ZNF425: variants seen among roughly 807,000 people sequenced by gnomAD.
ZNF425 encodes the protein zinc finger protein 425.
Under a neutral mutation model 17.0 loss-of-function variants are expected in ZNF425, and 21 were observed. That is an observed-to-expected ratio of 1.23 (90% CI 0.88 to 1.78). The LOEUF is 1.78. Among genes scored for constraint, ZNF425 ranks in the 40% most tolerant of loss-of-function variants. The pLI, the probability that ZNF425 is intolerant of heterozygous loss-of-function variation, is 0.00. For missense variants in ZNF425, 868 were observed against 967.3 expected (o/e 0.90, Z 1.36); for synonymous variants, 433 against 384.1 (o/e 1.13, Z -1.49).
chr7:149,118,199 G>T, intron 2 of ZNF425, 23 bp downstream of exon 2: 2 of 1,613,802 alleles, frequency 1.2e-6, no homozygotes, highest in South Asian at 1.1e-5. Context: ...CCTAAAAAGT[G>T]ATTCCTTAGA....
At chr7:149,110,567 CAA>C (rs776168505) in intron 3 of ZNF425, among the ~76,000 whole-genome samples, 23 of 80,790 alleles carry the variant, frequency 2.8e-4, no homozygotes, top group Non-Finnish European at 2.9e-4. Flanking sequence ...CTCCATCTCA[CAA>C]AAAAAAAAAA....
chr7:149,126,057 C>A (rs1480574114), intron 1 of ZNF425, 139 bp downstream of exon 1: 7 of 1,508,680 alleles, frequency 4.6e-6, no homozygotes, highest in Admixed American at 1.9e-5. Context: ...CCAGCCCAGC[C>A]CGGAGCTCAG....
In ZNF425 at chr7:149,103,392, A is replaced by AT. The variant is rs1233586230; in HGVS notation, c.*219dup. The AT allele has an allele frequency of 1.8e-6, 1 of 553,536 alleles. No individual in the cohort carries two copies. The highest frequency in any genetic ancestry group is 3.2e-5 in the East Asian group (1 of 31,540). 34.3% of individuals were successfully genotyped at this position (553,536 alleles called of 1,614,324 possible). A position where few individuals can be genotyped will look rare whatever the true frequency, so the allele number is the denominator to read the frequency against. On this transcript the variant is annotated 3_prime_UTR_variant, in exon 4 of 4. Coordinates refer to ENST00000378061, the MANE Select transcript of ZNF425 (RefSeq NM_001001661.3). The stretch of plus-strand genomic sequence containing the variant: ...ACCACAACGCCTGGCTGACTTTTAT[A>AT]TTTTTTGTAGAGATGGAGTCTTGCA...
rs62505063 is a variant in ZNF425 at position 149,116,490 on chromosome 7, C to T, written c.145+1732G>A. ...CTAAAGCCTATCTGGAGACCATCTT[C>T]TTCTGTCTTAATTACTACCTACCTG... On this transcript the variant is annotated intron_variant, in intron 2 of 3. Transcript: ENST00000378061. 1.6e-4 allele frequency among the ~76,000 whole-genome samples: 24 copies of T among 152,250 alleles called. 1 individual carries two copies. In the South Asian group the frequency reaches 5.0e-3, roughly 32 times the overall value.
rs560702675 is a variant in ZNF425, at chr7:149,115,644, C to T, written c.145+2578G>A. Among the ~76,000 whole-genome samples, 6 of 149,502 alleles carry T rather than the reference C, an allele frequency of 4.0e-5. No individual in the cohort carries two copies. The East Asian group carries it at 7.9e-4, about 20-fold the overall frequency. ...GACAGAGGTTGTAGTGAGCCGAGAT[C>T]GTGCCATTGCACTCCAGCCTGGGTG... On this transcript the variant is annotated intron_variant, in intron 2 of 3. Transcript: ENST00000378061.
Position 149,112,230 on chromosome 7 carries a change from C to G in ZNF425, c.211G>C (p.Glu71Gln). ...MEQGRMLLIS[E>Q]QGCLDKTRRT... ...CTTGTTTTATCTAAGCATCCCTGTT[C>G]GCTGATTAATAGCATTCTCCCTTGT... Residue 71 changes from glutamate to glutamine, a missense_variant, in exon 3 of 4, where the codon GAA (glutamate) becomes CAA (glutamine). Glu to Gln is a conservative substitution (Grantham distance 29, BLOSUM62 2). Transcript: ENST00000378061. The G allele has an allele frequency of 6.2e-7, 1 of 1,614,122 alleles. No individual in the cohort carries two copies. Among genetic ancestry groups the G allele is most frequent in the Non-Finnish European group, 8.5e-7 (1 of 1,179,972 alleles).
rs928558827 is a variant in ZNF425 at position 149,126,302 on chromosome 7, C to A, written c.-89G>T. 1.5e-5 allele frequency: 23 copies of A among 1,522,788 alleles called. 1 individual carries two copies. In the South Asian group the frequency reaches 2.8e-4, roughly 19 times the overall value. 94.3% of individuals were successfully genotyped at this position (1,522,788 alleles called of 1,614,324 possible). On this transcript the variant is annotated 5_prime_UTR_variant, in exon 1 of 4. Transcript: ENST00000378061. ...TCCCAGGTACAGCCCTGCTGGCCCCCAAAGGCAGAGCCGGCCGGGCGCGGT... is the reference window on the plus strand; with the variant it reads ...TCCCAGGTACAGCCCTGCTGGCCCCAAAAGGCAGAGCCGGCCGGGCGCGGT...
chr7:149,125,351 AT>A (rs1826443722), intron 1 of ZNF425, among the ~76,000 whole-genome samples: 1 of 152,164 alleles, frequency 6.6e-6, no homozygotes, highest in African/African-American at 2.4e-5. Context: ...CGGTGCTCAA[AT>A]TTTCAATACT....
intron 3 of ZNF425, among the ~76,000 whole-genome samples, chr7:149,110,119 G>A (rs1826150237): frequency 6.6e-6 from 1 of 150,636 alleles, no homozygotes; most frequent in South Asian, 2.1e-4. Flanking sequence ...CATGTGATCC[G>A]ACCTCCTCAG....
Position 149,112,165 on chromosome 7 carries a change from C to T in ZNF425, c.276G>A (p.Met92Ile). ...TSPPTDEQLN[M>I]KNTGKLLCFD... The stretch of plus-strand genomic sequence containing the variant: ...AACATAGCAACTTTCCAGTATTCTT[C>T]ATGTTCAACTGTTCATCAGTAGGAG... The change falls in exon 3 of 4, where the codon ATG becomes ATA. Residue 92 changes from methionine to isoleucine, a missense_variant. Met to Ile is a conservative substitution (Grantham distance 10, BLOSUM62 1). Around this residue, in one of 5 missense-constraint regions of ZNF425, gnomAD observed 179 missense variants for 216.3 expected, o/e 0.83. Transcript: ENST00000378061. 1.2e-6 allele frequency: 2 copies of T among 1,613,962 alleles called. No homozygotes were observed. Among genetic ancestry groups the T allele is most frequent in the South Asian group, 2.2e-5 (2 of 91,052 alleles).
chr7:149,108,227 G>A (rs1383404629), intron 3 of ZNF425, among the ~76,000 whole-genome samples: 1 of 152,036 alleles, frequency 6.6e-6, no homozygotes, highest in Non-Finnish European at 1.5e-5. Context: ...TGTATTTTTA[G>A]TAGAGACAGA....
At position 149,103,923 on chromosome 7, in the gene ZNF425, G is replaced by A; in HGVS notation, c.1948C>T (p.Gln650Ter). ...CVMCGKSFTQQYRLTEHIRVH... is the reference protein window; with the variant it reads ...CVMCGKSFTQ ...CGAATGTGTTCTGTGAGCCGGTACTGTTGAGTGAAACTTTTGCCGCACATC... is the reference window on the plus strand; with the variant it reads ...CGAATGTGTTCTGTGAGCCGGTACTATTGAGTGAAACTTTTGCCGCACATC... Residue 650 changes from glutamine to a stop codon, truncating the protein, a stop_gained, in exon 4 of 4, where the codon CAG becomes TAG. Transcript: ENST00000378061. LOFTEE classifies it low-confidence loss of function (END_TRUNC). The A allele has an allele frequency of 6.2e-7, 1 of 1,614,090 alleles. No homozygotes were observed.
chr7:149,114,931 C>CTTTTTTTTTT (rs35954198), intron 2 of ZNF425, among the ~76,000 whole-genome samples: 47 of 101,020 alleles, frequency 4.7e-4, no homozygotes, highest in South Asian at 9.1e-4. Context: ...TCTTTCTTTT[C>CTTTTTTTTTT]TTTTTTTTTT....
chr7:149,111,376 G>A (rs755643749), intron 3 of ZNF425, among the ~76,000 whole-genome samples: 1 of 151,510 alleles, frequency 6.6e-6, no homozygotes. Context: ...TGGATCACAA[G>A]GTCAGGAGTT....
intron 3 of ZNF425, among the ~76,000 whole-genome samples, chr7:149,105,957 CTT>C (rs35777509): frequency 2.5e-5 from 3 of 119,374 alleles, no homozygotes; most frequent in African/African-American, 3.4e-5. Context: ...AATTTTTTTC[CTT>C]TTTTTTTTTT....
chr7:149,114,652 T>C (rs112720015), intron 2 of ZNF425, among the ~76,000 whole-genome samples: 6,836 of 151,700 alleles, frequency 0.045, 518 homozygotes, highest in African/African-American at 0.16. Flanking sequence ...TCACCTTGGC[T>C]TCCCAAAGTG....
intron 2 of ZNF425, among the ~76,000 whole-genome samples, chr7:149,114,381 T>C (rs1016286355): frequency 5.3e-5 from 8 of 149,772 alleles, no homozygotes; most frequent in African/African-American, 2.0e-4. Context: ...CTTTTTTTTT[T>C]TTTTTTTTTC....
Position 149,105,502 on chromosome 7 carries a change from G to A in ZNF425, c.369C>T (p.Asp123=), listed in dbSNP as rs766453068. The A allele has an allele frequency of 6.6e-7, 1 of 1,518,404 alleles. No individual in the cohort carries two copies. Among genetic ancestry groups the A allele is most frequent in the East Asian group, 2.3e-5 (1 of 44,098 alleles). 94.1% of individuals were successfully genotyped at this position (1,518,404 alleles called of 1,614,324 possible). A position where few individuals can be genotyped will look rare whatever the true frequency, so the allele number is the denominator to read the frequency against. ...DCRLNGPQKQ[D]LCAALRGKER... is the part of the protein sequence containing the mutation. ...CTTTCCCTCGTAAGGCAGCACACAAGTCCTGTTTTTGAGGACCATTTAAAC... is the reference window on the plus strand; with the variant it reads ...CTTTCCCTCGTAAGGCAGCACACAAATCCTGTTTTTGAGGACCATTTAAAC... Residue 123 remains aspartate, a synonymous_variant, in exon 4 of 4, where the codon GAC becomes GAT. Transcript: ENST00000378061.
At chr7:149,123,328 A>G (rs1002176463) in intron 1 of ZNF425, among the ~76,000 whole-genome samples, 1 of 152,198 alleles carries the variant, frequency 6.6e-6, no homozygotes, top group Non-Finnish European at 1.5e-5. Context: ...ATCTTGAAAG[A>G]TGGCTAAGGC....
Sources: gnomAD v4.1 joint callset for allele counts (sites outside exome capture counted in the v4.1 genomes callset) on GRCh38, gnomAD v4.1.1 for gene constraint, gnomAD v4.1.1 regional missense constraint, MANE v1.5 for transcripts, NCBI Gene and HGNC (gene_info 2026-07-23, HGNC 2026-07-21) for gene names.